The following GOLPH3 variants were observed in gnomAD, a reference collection of about 807,000 sequenced individuals.
The protein encoded by GOLPH3 is coat protein GPP34.
A neutral mutation model predicts 28.5 loss-of-function variants in GOLPH3; 14 were observed. The observed-to-expected ratio is 0.49, with a 90% CI of 0.32 to 0.77. The LOEUF is 0.77. Among genes scored for constraint, GOLPH3 ranks in the 30% least tolerant of loss-of-function variants. GOLPH3 has a pLI of 0.03. For missense variants in GOLPH3, 350 were observed against 393.7 expected, an observed-to-expected ratio of 0.89 and a Z score of 0.94; for synonymous variants, 158 against 159.2, an observed-to-expected ratio of 0.99 and a Z score of 0.06.
chr5:32,161,711 G>T (rs1746581226), intron 1 of GOLPH3, among the ~76,000 whole-genome samples: 6 of 151,352 alleles, frequency 4.0e-5, no homozygotes, highest in Admixed American at 3.9e-4. Flanking sequence ...ATTCTTTAAG[G>T]AAGACTCTGG....
chr5:32,165,807 A>AAGCAGTTATGC (rs1386708907), intron 1 of GOLPH3, among the ~76,000 whole-genome samples: 2 of 152,222 alleles, frequency 1.3e-5, no homozygotes, highest in Admixed American at 1.3e-4. Context: ...CCTAGATTAG[A>AAGCAGTTATGC]AGCAGTTATG....
At chr5:32,156,334 T>C (rs902659655) in intron 1 of GOLPH3, among the ~76,000 whole-genome samples, 1 of 151,876 alleles carries the variant, frequency 6.6e-6, no homozygotes, top group African/African-American at 2.4e-5. Context: ...TAAAACCCTG[T>C]CTCTAGTAAA....
chr5:32,161,066 CAAAAAAA>C (rs34874287), intron 1 of GOLPH3, among the ~76,000 whole-genome samples: 1 of 60,052 alleles, frequency 1.7e-5, no homozygotes, highest in African/African-American at 8.9e-5. Context: ...GACTCCGTCT[CAAAAAAA>C]AAAAAAAAAA....
At chr5:32,154,400 A>G (rs1376181744) in intron 1 of GOLPH3, among the ~76,000 whole-genome samples, 1 of 152,252 alleles carries the variant, frequency 6.6e-6, no homozygotes, top group East Asian at 1.9e-4. Context: ...AATAACTATT[A>G]TAATTCCAAT....
At chr5:32,147,737 T>C (rs113530182) in intron 1 of GOLPH3, among the ~76,000 whole-genome samples, 203 of 152,260 alleles carry the variant, frequency 1.3e-3, no homozygotes, top group African/African-American at 4.7e-3. Flanking sequence ...TGGCAGTAAT[T>C]TGACAGAGGC....
At chr5:32,148,480 T>A (rs1471995868) in intron 1 of GOLPH3, among the ~76,000 whole-genome samples, 1 of 152,208 alleles carries the variant, frequency 6.6e-6, no homozygotes, top group Non-Finnish European at 1.5e-5. Flanking sequence ...GTGTGACCAA[T>A]GTTTTGGAAA....
rs748593649 is a variant in GOLPH3 at position 32,126,274 on chromosome 5, C to G, written c.835G>C (p.Glu279Gln). ...RQLLDLDPEV[E>Q]CLKANTNEVL... ...TCATTGGTGTTGGCCTTCAGACATT[C>G]CACTTCAGGGTCTAAGTCGAGAAGC... The change falls in exon 4 of 4, where the codon GAA becomes CAA. Residue 279 changes from glutamate (E) to glutamine (Q), a missense_variant. Physicochemically the swap from Glu to Gln is conservative, Grantham distance 29. Transcript: ENST00000265070. 8.1e-6 allele frequency: 13 copies of G among 1,614,044 alleles called. No homozygotes were observed. The highest frequency in any genetic ancestry group is 1.1e-5 in the Non-Finnish European group (13 of 1,180,050).
intron 2 of GOLPH3, among the ~76,000 whole-genome samples, chr5:32,142,640 G>A (rs1250329702): frequency 6.9e-6 from 1 of 145,862 alleles, no homozygotes; most frequent in Non-Finnish European, 1.5e-5. Flanking sequence ...CCCCGTCCGG[G>A]AGGGAGGTGG....
intron 1 of GOLPH3, among the ~76,000 whole-genome samples, chr5:32,171,754 C>T (rs1746842601): frequency 6.6e-6 from 1 of 151,874 alleles, no homozygotes; most frequent in African/African-American, 2.4e-5. Flanking sequence ...TCAAAAGCAG[C>T]CTGACAAACA....
At chr5:32,144,848 C>G (rs1014841351) in intron 1 of GOLPH3, among the ~76,000 whole-genome samples, 1 of 152,170 alleles carries the variant, frequency 6.6e-6, no homozygotes, top group Non-Finnish European at 1.5e-5. Flanking sequence ...CAGCAAACAA[C>G]TGGGGTTGTT....
At chr5:32,149,964 CAA>C (rs1395342739) in intron 1 of GOLPH3, among the ~76,000 whole-genome samples, 2 of 145,982 alleles carry the variant, frequency 1.4e-5, no homozygotes, top group African/African-American at 2.5e-5. Flanking sequence ...TCAGCCTGGG[CAA>C]AAGAGTGAAA....
At position 32,143,797 on chromosome 5, in the gene GOLPH3, T is replaced by C. The variant is rs1198966063; in HGVS notation, c.309A>G (p.Leu103=). 3 of 1,606,472 alleles carry C rather than the reference T, an allele frequency of 1.9e-6. No homozygotes were observed. In the African/African-American group the frequency reaches 4.0e-5, roughly 22 times the overall value. Residue 103 remains leucine, a synonymous_variant, in exon 2 of 4, where the codon TTA becomes TTG. Coordinates refer to ENST00000265070, the MANE Select transcript of GOLPH3 (RefSeq NM_022130.4). ...GTCTCATTCCACAAGCCTCTAGTTG[T>C]AACCTTCCTCTCAATGCTAATTCAA... The part of the protein sequence containing the change: ...MLIELALRGR[L]QLEACGMRRK...
chr5:32,131,291 C>A (rs1745820046), intron 3 of GOLPH3, among the ~76,000 whole-genome samples: 1 of 152,164 alleles, frequency 6.6e-6, no homozygotes, highest in Non-Finnish European at 1.5e-5. Flanking sequence ...ACCAAGTGGT[C>A]AAAGTATCTT....
At chr5:32,143,915 G>T in intron 1 of GOLPH3, 35 bp from the exon 2 acceptor site, 1 of 1,393,066 alleles carries the variant, frequency 7.2e-7, no homozygotes, top group Non-Finnish European at 9.6e-7. Context: ...AAACAAAATA[G>T]CTAATTTACC....
chr5:32,173,982 G>A lies in GOLPH3; in HGVS notation c.53C>T (p.Ala18Val). The part of the protein sequence containing the change: ...SSGLVQRRTE[A>V]SRNAADKERA... The stretch of plus-strand genomic sequence containing the variant: ...CTCCTTGTCGGCGGCGTTGCGGGAG[G>A]CCTCGGTGCGCCGCTGCACCAGGCC... Residue 18 changes from alanine to valine, a missense_variant, in exon 1 of 4, where the codon GCC becomes GTC. Ala to Val is a moderately conservative substitution (Grantham distance 64). Transcript: ENST00000265070. 1 of 1,370,926 alleles carries A rather than the reference G, an allele frequency of 7.3e-7. No individual in the cohort carries two copies. The highest frequency in any genetic ancestry group is 3.1e-5 in the East Asian group (1 of 32,440). 84.9% of individuals were successfully genotyped at this position (1,370,926 alleles called of 1,614,324 possible). A position where few individuals can be genotyped will look rare whatever the true frequency, so the allele number is the denominator to read the frequency against.
intron 3 of GOLPH3, among the ~76,000 whole-genome samples, chr5:32,134,002 C>T (rs1211577742): frequency 6.6e-6 from 1 of 152,130 alleles, no homozygotes; most frequent in African/African-American, 2.4e-5. Flanking sequence ...AAATAATGAA[C>T]CTTGCCTTAA....
At chr5:32,140,421 A>T (rs992312369) in intron 2 of GOLPH3, among the ~76,000 whole-genome samples, 1 of 151,936 alleles carries the variant, frequency 6.6e-6, no homozygotes, top group African/African-American at 2.4e-5. Context: ...TTTGGGAGGC[A>T]GGTGGATCAT....
At position 32,174,318 on chromosome 5, in the gene GOLPH3, A is replaced by C; in HGVS notation, c.-284T>G. The C allele has an allele frequency of 1.5e-3, 375 of 257,636 alleles. No individual in the cohort carries two copies. The highest frequency in any genetic ancestry group is 1.9e-3 in the Non-Finnish European group (255 of 136,674). The allele number at this position is 257,636 out of a possible 1,614,324, so 16.0% of individuals were successfully genotyped here. On this transcript the variant is annotated 5_prime_UTR_variant, in exon 1 of 4. Coordinates refer to ENST00000265070, the MANE Select transcript of GOLPH3 (RefSeq NM_022130.4). ...GAGGCGGCGGCGGCGCCTTTCCAAT[A>C]TGGCGGCCCCGGCTGACGTCACCGG...
At chr5:32,162,930 T>G (rs1746621878) in intron 1 of GOLPH3, among the ~76,000 whole-genome samples, 1 of 152,036 alleles carries the variant, frequency 6.6e-6, no homozygotes, top group African/African-American at 2.4e-5. Context: ...TACAAAAAAT[T>G]AGCCGGGTGT....
Sources: gnomAD v4.1 joint callset for allele counts (sites outside exome capture counted in the v4.1 genomes callset) on GRCh38, gnomAD v4.1.1 for gene constraint, MANE v1.5 for transcripts, NCBI Gene and HGNC (gene_info 2026-07-23, HGNC 2026-07-21) for gene names.